DOCK7: variants seen among roughly 807,000 people sequenced by gnomAD.
The protein encoded by DOCK7 is dedicator of cytokinesis protein 7.
Under a neutral mutation model 271.0 loss-of-function variants are expected in DOCK7, and 138 were observed. That is an observed-to-expected ratio of 0.51 (90% confidence interval 0.44 to 0.59). DOCK7 has a LOEUF of 0.59. DOCK7 is among the 20% of genes least tolerant of loss of function. The pLI, the probability that DOCK7 is intolerant of heterozygous loss-of-function variation, is 0.00. For missense variants in DOCK7, 2,066 were observed against 2,592.4 expected (o/e 0.80, Z 4.41); for synonymous variants, 823 against 876.1 (o/e 0.94, Z 1.07).
chr1:62,666,731 T>C (rs975135404), intron 1 of DOCK7, among the ~76,000 whole-genome samples: 1 of 152,244 alleles, frequency 6.6e-6, no homozygotes, highest in Non-Finnish European at 1.5e-5. Context: ...TTCTTACTCC[T>C]AGTGATAGCT....
chr1:62,671,361 C>T (rs979545977), intron 1 of DOCK7, among the ~76,000 whole-genome samples: 4 of 152,136 alleles, frequency 2.6e-5, no homozygotes, highest in African/African-American at 9.7e-5. Flanking sequence ...ATTCCTTCGC[C>T]AGAAAAGTAA....
intron 34 of DOCK7, among the ~76,000 whole-genome samples, chr1:62,509,463 C>T (rs1424330963): frequency 1.3e-5 from 2 of 151,920 alleles, no homozygotes; most frequent in Non-Finnish European, 2.9e-5. Flanking sequence ...AAAAGTCTCC[C>T]TCAAAACACA....
At chr1:62,671,539 G>T (rs902700230) in intron 1 of DOCK7, among the ~76,000 whole-genome samples, 2 of 152,078 alleles carry the variant, frequency 1.3e-5, no homozygotes, top group Admixed American at 6.6e-5. Flanking sequence ...TACTGAATAA[G>T]AATGAACTTA....
intron 2 of DOCK7, among the ~76,000 whole-genome samples, chr1:62,655,395 C>A (rs1463373622): frequency 6.6e-6 from 1 of 150,806 alleles, no homozygotes; most frequent in Non-Finnish European, 1.5e-5. Context: ...TTAACCTATG[C>A]TTCTTTGGAC....
Position 62,619,977 on chromosome 1 carries a change from C to T in DOCK7, c.1442G>A (p.Ser481Asn), listed in dbSNP as rs547585543. Reference sequence around the variant, plus strand: ...AAGGAATTTGTAGAGATCTTCATCACTTAAGCGGTCTCCTTCCTGATTTCA... The same window carrying T: ...AAGGAATTTGTAGAGATCTTCATCATTTAAGCGGTCTCCTTCCTGATTTCA... ...NFFKQEGDRL[S>N]DEDLYKFLAD... The change falls in exon 13 of 50, where the codon AGT (serine) becomes AAT (asparagine). Residue 481 changes from serine (S) to asparagine (N), a missense_variant. Coordinates refer to ENST00000635253, the MANE Select transcript of DOCK7 (RefSeq NM_001367561.1). 6.2e-6 allele frequency: 10 copies of T among 1,613,324 alleles called. No homozygotes were observed. In the East Asian group the frequency reaches 2.0e-4, roughly 32 times the overall value.
chr1:62,516,164 T>G (rs539916221), intron 31 of DOCK7, among the ~76,000 whole-genome samples: 5 of 152,328 alleles, frequency 3.3e-5, no homozygotes, highest in African/African-American at 9.6e-5. Context: ...GGGGAAAGGA[T>G]AGTATATCTT....
intron 12 of DOCK7, among the ~76,000 whole-genome samples, chr1:62,620,640 G>A (rs147611828): frequency 0.017 from 2,626 of 151,878 alleles, 75 homozygotes; most frequent in African/African-American, 0.06. Flanking sequence ...CAGCACTTTG[G>A]GAGGCCGAGG....
chr1:62,586,712 A>C (rs1463111846), intron 14 of DOCK7, 88 bp from the exon 15 acceptor site: 3 of 721,428 alleles, frequency 4.2e-6, no homozygotes, highest in Admixed American at 5.5e-5. Flanking sequence ...TAAGTGACCA[A>C]ATACTGAATT....
chr1:62,563,622 T>C (rs1391346844), intron 18 of DOCK7, among the ~76,000 whole-genome samples: 6 of 151,890 alleles, frequency 4.0e-5, no homozygotes, highest in Non-Finnish European at 2.9e-5. Context: ...TAAATTCAAA[T>C]CCCCATTACC....
At position 62,684,548 on chromosome 1, in the gene DOCK7, T is replaced by C. The variant is rs969261225; in HGVS notation, c.38+3679A>G. On this transcript the variant is annotated intron_variant, in intron 1 of 49. Coordinates refer to ENST00000635253, the MANE Select transcript of DOCK7 (RefSeq NM_001367561.1). ...TGATCCCAGATCCTATATTCTTTAG[T>C]ACATTTTCTGCCTCTCTGGGTTATG... Among the ~76,000 whole-genome samples, 4 of 152,234 alleles carry C rather than the reference T, an allele frequency of 2.6e-5. No homozygotes were observed. In the South Asian group the frequency reaches 6.2e-4, roughly 24 times the overall value.
chr1:62,513,519 TC>T lies in DOCK7; in HGVS notation c.4206del (p.Ser1403AlafsTer2). ...MRAKLEEAILGSIGARQEMVR... is the reference protein window; with the variant it reads ...MRAKLEEAILXSIGARQEMVR... ...ACCATTTCTTGCCTGGCACCTATGC[TC>T]CCAAGAATAGCTTCTTCAAGCTTTG... On this transcript the variant is annotated frameshift_variant, in exon 33 of 50. Coordinates refer to ENST00000635253, the MANE Select transcript of DOCK7 (RefSeq NM_001367561.1). LOFTEE classifies it high-confidence loss of function. 1 of 1,614,104 alleles carries T rather than the reference TC, an allele frequency of 6.2e-7. No individual in the cohort carries two copies. Among genetic ancestry groups the T allele is most frequent in the South Asian group, 1.1e-5 (1 of 91,086 alleles).
chr1:62,674,306 T>C (rs991732765), intron 1 of DOCK7, among the ~76,000 whole-genome samples: 1 of 150,740 alleles, frequency 6.6e-6, no homozygotes, highest in Non-Finnish European at 1.5e-5. Flanking sequence ...TCTAAATAAA[T>C]AGACCCCCCC....
intron 24 of DOCK7, among the ~76,000 whole-genome samples, 167 bp from the exon 25 acceptor site, chr1:62,542,870 G>A (rs1262725161): frequency 6.6e-6 from 1 of 152,134 alleles, no homozygotes; most frequent in East Asian, 1.9e-4. Flanking sequence ...GGCTATTTAT[G>A]TATGTAAGAC....
chr1:62,622,451 TTTTA>T (rs966927723), intron 12 of DOCK7, among the ~76,000 whole-genome samples: 4 of 152,160 alleles, frequency 2.6e-5, no homozygotes, highest in African/African-American at 4.8e-5. Flanking sequence ...ACTTCACACA[TTTTA>T]TTTATTTATT....
At chr1:62,680,720 C>T (rs1311784097) in intron 1 of DOCK7, among the ~76,000 whole-genome samples, 1 of 151,594 alleles carries the variant, frequency 6.6e-6, no homozygotes, top group Non-Finnish European at 1.5e-5. Flanking sequence ...AAAAAGTGGG[C>T]AAAGGATATG....
intron 31 of DOCK7, among the ~76,000 whole-genome samples, chr1:62,521,672 T>G (rs1030633264): frequency 1.3e-5 from 2 of 152,314 alleles, no homozygotes; most frequent in Admixed American, 6.5e-5. Context: ...GAATAAAATT[T>G]ACAAAAATCA....
intron 7 of DOCK7, among the ~76,000 whole-genome samples, chr1:62,646,934 T>C (rs80242442): frequency 0.064 from 9,810 of 152,298 alleles, 405 homozygotes; most frequent in South Asian, 0.11. Context: ...AAAATAAGAT[T>C]ATAAGTAAGA....
rs896978097 is a variant in DOCK7, at chr1:62,528,067, C to A, written c.3936+84G>T. On this transcript the variant is annotated intron_variant, in intron 31 of 49. Transcript: ENST00000635253. ...CTGAGCACTTTTGCATCAGCTGATA[C>A]AATCATCTCATATATTTAAGGGCAT... 2.9e-6 allele frequency: 4 copies of A among 1,366,056 alleles called. No homozygotes were observed. In the African/African-American group the frequency reaches 4.4e-5, roughly 15 times the overall value. 84.6% of individuals were successfully genotyped at this position (1,366,056 alleles called of 1,614,324 possible). A position where few individuals can be genotyped will look rare whatever the true frequency, so the allele number is the denominator to read the frequency against.
At chr1:62,583,060 T>A in intron 16 of DOCK7, 124 bp downstream of exon 16, 1 of 711,748 alleles carries the variant, frequency 1.4e-6, no homozygotes, top group South Asian at 2.2e-5. Flanking sequence ...AAATTATAAC[T>A]CTGATGTCAG....
Sources: gnomAD v4.1 joint callset for allele counts (sites outside exome capture counted in the v4.1 genomes callset) on GRCh38, gnomAD v4.1.1 for gene constraint, MANE v1.5 for transcripts, NCBI Gene and HGNC (gene_info 2026-07-23, HGNC 2026-07-21) for gene names.